GMDS: variants seen among roughly 807,000 people sequenced by gnomAD.
GMDS encodes GDP-mannose 4,6-dehydratase.
GMDS carries 20 observed loss-of-function variants against 49.9 expected under a neutral mutation model. The ratio of observed to expected loss-of-function variants is 0.40; its 90% confidence interval spans 0.28 to 0.58. GMDS has a LOEUF of 0.58. Among genes scored for constraint, GMDS ranks in the 20% least tolerant of loss-of-function variants. GMDS has a pLI of 0.42. For missense variants in GMDS, 362 were observed against 481.4 expected, an observed-to-expected ratio of 0.75 and a Z score of 2.32; for synonymous variants, 177 against 178.6, an observed-to-expected ratio of 0.99 and a Z score of 0.07.
intron 4 of GMDS, among the ~76,000 whole-genome samples, chr6:2,094,239 A>G (rs1773472441): frequency 6.6e-6 from 1 of 152,250 alleles, no homozygotes; most frequent in South Asian, 2.1e-4. Flanking sequence ...AATGATTACA[A>G]TTAGACACTG....
chr6:1,637,375 C>A (rs1763190830), intron 9 of GMDS, among the ~76,000 whole-genome samples: 1 of 152,230 alleles, frequency 6.6e-6, no homozygotes. Context: ...GGGCAGAGGT[C>A]TGACTCAGTT....
chr6:2,088,736 C>A (rs1773150942), intron 4 of GMDS, among the ~76,000 whole-genome samples: 1 of 151,592 alleles, frequency 6.6e-6, no homozygotes, highest in Admixed American at 6.6e-5. Context: ...ATGCCCTAAG[C>A]ATGGTTTATG....
rs534863657 is a variant in GMDS, at chr6:1,633,428, G to A, written c.988-8888C>T. Among the ~76,000 whole-genome samples, 10 of 152,300 alleles carry A rather than the reference G, an allele frequency of 6.6e-5. No homozygotes were observed. In the Middle Eastern group the frequency reaches 0.01, roughly 155 times the overall value. On this transcript the variant is annotated intron_variant, in intron 9 of 10. Transcript: ENST00000380815. Reference sequence around the variant, plus strand: ...AAGCAAACGTGGACAAGAGAAGGCCGTGGCTGTCATGAAGCCCATGTTCTA... The same window carrying A: ...AAGCAAACGTGGACAAGAGAAGGCCATGGCTGTCATGAAGCCCATGTTCTA...
At chr6:1,871,799 T>C (rs1758770725) in intron 7 of GMDS, among the ~76,000 whole-genome samples, 1 of 152,230 alleles carries the variant, frequency 6.6e-6, no homozygotes, top group African/African-American at 2.4e-5. Context: ...ACTCACATAA[T>C]AATACTTTCT....
chr6:1,662,594 T>C (rs1031632167), intron 9 of GMDS, among the ~76,000 whole-genome samples: 2 of 152,228 alleles, frequency 1.3e-5, no homozygotes, highest in East Asian at 3.9e-4. Flanking sequence ...TCCAGGCCTG[T>C]CTGTACCACT....
At chr6:2,093,285 A>G (rs895898820) in intron 4 of GMDS, among the ~76,000 whole-genome samples, 3 of 152,264 alleles carry the variant, frequency 2.0e-5, no homozygotes, top group Admixed American at 2.0e-4. Context: ...AGAAGCAGCG[A>G]AAACACTTGA....
rs570455500 is a variant in GMDS at position 1,776,322 on chromosome 6, G to A, written c.772-33736C>T. Among the ~76,000 whole-genome samples, 75 of 152,246 alleles carry A rather than the reference G, an allele frequency of 4.9e-4. 1 individual carries two copies. The highest frequency in any genetic ancestry group is 1.3e-3 in the African/African-American group (54 of 41,540). On this transcript the variant is annotated intron_variant, in intron 7 of 10. Transcript: ENST00000380815. ...TCATTTAAGATTTCGTTAAATCTAA[G>A]GCATCGCCATTATTACGAAGAATTA...
chr6:1,674,085 T>C (rs1287672032), intron 9 of GMDS, among the ~76,000 whole-genome samples: 2 of 152,032 alleles, frequency 1.3e-5, no homozygotes, highest in African/African-American at 4.8e-5. Flanking sequence ...ACCATCGTGC[T>C]ATTTATGAAA....
chr6:2,232,912 G>GA (rs1013162437), intron 1 of GMDS, among the ~76,000 whole-genome samples: 25 of 151,492 alleles, frequency 1.7e-4, no homozygotes, highest in East Asian at 3.9e-4. Context: ...CCACCATGAC[G>GA]AAAAAAAACC....
intron 7 of GMDS, among the ~76,000 whole-genome samples, chr6:1,869,753 C>T (rs1172589229): frequency 6.6e-6 from 1 of 152,228 alleles, no homozygotes; most frequent in East Asian, 1.9e-4. Context: ...GTGTTTGGGA[C>T]CACAGTGCGG....
At chr6:1,660,445 G>A (rs893542153) in intron 9 of GMDS, among the ~76,000 whole-genome samples, 6 of 152,018 alleles carry the variant, frequency 3.9e-5, no homozygotes, top group East Asian at 1.9e-4. Context: ...AACTAAGAAC[G>A]CCATTTTGGC....
intron 7 of GMDS, among the ~76,000 whole-genome samples, chr6:1,756,955 C>G (rs918987259): frequency 1.3e-5 from 2 of 152,132 alleles, no homozygotes; most frequent in Admixed American, 6.5e-5. Context: ...GACTCTCCCC[C>G]TTATGGGAGG....
At chr6:1,931,270 G>A (rs1406081106) in intron 6 of GMDS, among the ~76,000 whole-genome samples, 1 of 152,216 alleles carries the variant, frequency 6.6e-6, no homozygotes, top group Non-Finnish European at 1.5e-5. Flanking sequence ...TGATCAAAGT[G>A]TTTGGCTTCT....
chr6:2,047,981 T>C (rs1770127052), intron 4 of GMDS, among the ~76,000 whole-genome samples: 2 of 152,214 alleles, frequency 1.3e-5, no homozygotes, highest in African/African-American at 4.8e-5. Flanking sequence ...GTTTCCATAA[T>C]GCTATACCCC....
chr6:1,737,072 C>T (rs1053313941), intron 8 of GMDS, among the ~76,000 whole-genome samples: 1 of 152,218 alleles, frequency 6.6e-6, no homozygotes, highest in Non-Finnish European at 1.5e-5. Context: ...GAGCAAGGTG[C>T]ATGAGCACAA....
intron 4 of GMDS, among the ~76,000 whole-genome samples, chr6:2,114,190 C>T (rs149459168): frequency 3.9e-4 from 59 of 152,260 alleles, no homozygotes; most frequent in African/African-American, 1.4e-3. Context: ...TCTTTCATTA[C>T]AATTTTCAGC....
intron 9 of GMDS, among the ~76,000 whole-genome samples, chr6:1,705,232 A>T (rs912492367): frequency 2.0e-4 from 31 of 152,246 alleles, no homozygotes; most frequent in Admixed American, 1.9e-3. Flanking sequence ...ATCAGAGTAC[A>T]GGTGCACAGA....
At chr6:2,194,826 T>C (rs1202305128) in intron 1 of GMDS, among the ~76,000 whole-genome samples, 2 of 152,342 alleles carry the variant, frequency 1.3e-5, no homozygotes, top group East Asian at 3.9e-4. Context: ...ACCACTTGGC[T>C]AGCCATGCAT....
At chr6:1,814,495 T>C (rs975990528) in intron 7 of GMDS, among the ~76,000 whole-genome samples, 1 of 152,068 alleles carries the variant, frequency 6.6e-6, no homozygotes. Context: ...TGTTCTAAGT[T>C]TGGGGCTGTG....
Sources: gnomAD v4.1 joint callset for allele counts (sites outside exome capture counted in the v4.1 genomes callset) on GRCh38, gnomAD v4.1.1 for gene constraint, MANE v1.5 for transcripts, NCBI Gene and HGNC (gene_info 2026-07-23, HGNC 2026-07-21) for gene names.